The following CREB1 variants were observed in gnomAD, a reference collection of about 807,000 sequenced individuals.
The protein encoded by CREB1 is cyclic AMP-responsive element-binding protein 1.
CREB1 carries 2 observed loss-of-function variants against 42.0 expected under a neutral mutation model. The ratio of observed to expected loss-of-function variants is 0.05; its 90% CI spans 0.02 to 0.15. The LOEUF (loss-of-function observed/expected upper bound fraction) is 0.15, where lower values mean the gene tolerates loss of function less well. Among genes scored for constraint, CREB1 ranks in the 10% least tolerant of loss-of-function variants. CREB1 has a pLI of 1.00. For missense variants in CREB1, 199 were observed against 388.9 expected, an observed-to-expected ratio of 0.51 and a Z score of 4.11; for synonymous variants, 123 against 139.9, an observed-to-expected ratio of 0.88 and a Z score of 0.85.
At chr2:207,545,130 G>T (rs1344407229) in intron 1 of CREB1, among the ~76,000 whole-genome samples, 1 of 152,144 alleles carries the variant, frequency 6.6e-6, no homozygotes, top group Admixed American at 6.6e-5. Flanking sequence ...GGTTTTTGAG[G>T]TATTGCCACA....
intron 7 of CREB1, among the ~76,000 whole-genome samples, chr2:207,586,875 C>T (rs2083935794): frequency 6.6e-6 from 1 of 152,140 alleles, no homozygotes; most frequent in Admixed American, 6.5e-5. Flanking sequence ...ATCAAAAAGA[C>T]AAGAAGTAAC....
chr2:207,566,531 T>C (rs928776698), intron 3 of CREB1, among the ~76,000 whole-genome samples: 1 of 152,190 alleles, frequency 6.6e-6, no homozygotes, highest in African/African-American at 2.4e-5. Flanking sequence ...GGTTGCTGCT[T>C]CTGACAAACC....
At position 207,564,614 on chromosome 2, in the gene CREB1, A is replaced by G. The variant is rs115636499; in HGVS notation, c.262-2849A>G. On this transcript the variant is annotated intron_variant, in intron 3 of 7. Transcript: ENST00000353267. ...CCAAAGGACCATATATAGGTTTAGG[A>G]AACATCGAATATTACCATTGTTTTG... Among the ~76,000 whole-genome samples, 479 of 152,308 alleles carry G rather than the reference A, an allele frequency of 3.1e-3. 3 individuals carry two copies. Among genetic ancestry groups the G allele is most frequent in the African/African-American group, 0.011 (460 of 41,560 alleles).
chr2:207,600,180 G>A lies in CREB1; in HGVS notation c.*3122G>A, dbSNP rs2086787817. 1 of 175,060 alleles carries A rather than the reference G, an allele frequency of 5.7e-6. No individual in the cohort carries two copies. The highest frequency in any genetic ancestry group is 1.2e-5 in the Non-Finnish European group (1 of 82,616). The allele number at this position is 175,060 out of a possible 1,614,324, so 10.8% of individuals were successfully genotyped here. On this transcript the variant is annotated 3_prime_UTR_variant, in exon 8 of 8. Transcript: ENST00000353267. ...TATTGGCAACCATAATATTGTCATA[G>A]GTGCTCTCTTCATTTAGATATTCTT...
At chr2:207,540,669 TAAA>T (rs35714520) in intron 1 of CREB1, among the ~76,000 whole-genome samples, 23,344 of 65,148 alleles carry the variant, frequency 0.36, 3,188 homozygotes, top group East Asian at 0.48. Context: ...GTTTAAAAAG[TAAA>T]AAAAAAAAAA....
At chr2:207,530,922 T>C (rs1256197160) in intron 1 of CREB1, among the ~76,000 whole-genome samples, 1 of 151,262 alleles carries the variant, frequency 6.6e-6, no homozygotes, top group Non-Finnish European at 1.5e-5. Flanking sequence ...AGTTGAGAGA[T>C]GAGAGCTTGT....
intron 1 of CREB1, among the ~76,000 whole-genome samples, chr2:207,542,465 A>G (rs1295122657): frequency 6.6e-6 from 1 of 152,086 alleles, no homozygotes; most frequent in Non-Finnish European, 1.5e-5. Flanking sequence ...GGCCATTTGT[A>G]TATCTTCTTT....
chr2:207,583,106 T>C (rs1303330222), intron 7 of CREB1, among the ~76,000 whole-genome samples: 1 of 152,132 alleles, frequency 6.6e-6, no homozygotes, highest in African/African-American at 2.4e-5. Context: ...ACATAGTATT[T>C]ACATTGTATT....
chr2:207,584,499 G>A (rs1439786024), intron 7 of CREB1, among the ~76,000 whole-genome samples: 1 of 152,150 alleles, frequency 6.6e-6, no homozygotes, highest in Non-Finnish European at 1.5e-5. Flanking sequence ...TGCCTCCTGG[G>A]TTCAAGAGAT....
At chr2:207,579,005 C>T (rs1440440708) in intron 7 of CREB1, among the ~76,000 whole-genome samples, 2 of 152,078 alleles carry the variant, frequency 1.3e-5, no homozygotes, top group Admixed American at 1.3e-4. Context: ...CCAGGCTGGT[C>T]TCGAACTCTT....
chr2:207,536,242 A>G (rs2080865288), intron 1 of CREB1, among the ~76,000 whole-genome samples: 1 of 152,224 alleles, frequency 6.6e-6, no homozygotes, highest in Non-Finnish European at 1.5e-5. Flanking sequence ...ATCTCTTTCC[A>G]GAAAACATCA....
At chr2:207,570,062 AC>A (rs2082300492) in intron 4 of CREB1, 116 bp from the exon 5 acceptor site, 27 of 614,170 alleles carry the variant, frequency 4.4e-5, no homozygotes, top group Non-Finnish European at 5.3e-5. Flanking sequence ...AAAAAAAAAA[AC>A]CTTCTGTCCT....
chr2:207,547,792 G>A (rs1370772176), intron 1 of CREB1, among the ~76,000 whole-genome samples: 1 of 151,912 alleles, frequency 6.6e-6, no homozygotes, highest in Non-Finnish European at 1.5e-5. Context: ...AGTAAACTTT[G>A]CAAATACTTA....
At chr2:207,582,084 G>A in intron 7 of CREB1, 1 of 702,460 alleles carries the variant, frequency 1.4e-6, no homozygotes, top group Non-Finnish European at 2.6e-6. Flanking sequence ...GTGCTGTCCA[G>A]GTGTCTCCAC....
chr2:207,539,847 A>G (rs1210445974), intron 1 of CREB1, among the ~76,000 whole-genome samples: 1 of 152,228 alleles, frequency 6.6e-6, no homozygotes, highest in African/African-American at 2.4e-5. Flanking sequence ...TGGACAAAAA[A>G]ATGAAAACAT....
At chr2:207,567,662 C>A (rs2082190145) in intron 4 of CREB1, 99 bp downstream of exon 4, 1 of 671,678 alleles carries the variant, frequency 1.5e-6, no homozygotes, top group Non-Finnish European at 2.5e-6. Context: ...CACGTCAGTT[C>A]CTTATAGATT....
chr2:207,576,878 T>C (rs186929222), intron 6 of CREB1: 4 of 938,066 alleles, frequency 4.3e-6, no homozygotes, highest in Non-Finnish European at 5.1e-6. Flanking sequence ...TGTGTTTGTT[T>C]TTACAAATGG....
At chr2:207,531,462 A>G (rs1257434531) in intron 1 of CREB1, among the ~76,000 whole-genome samples, 1 of 152,246 alleles carries the variant, frequency 6.6e-6, no homozygotes, top group Non-Finnish European at 1.5e-5. Flanking sequence ...AGGACAGCAG[A>G]AAAGTCATTG....
chr2:207,591,219 AT>A (rs2084972144), intron 7 of CREB1, among the ~76,000 whole-genome samples: 1 of 152,214 alleles, frequency 6.6e-6, no homozygotes, highest in Non-Finnish European at 1.5e-5. Context: ...AGGAGAGTGT[AT>A]TAAGGCATTC....
Sources: allele counts gnomAD v4.1 joint callset (sites outside exome capture counted in the v4.1 genomes callset), GRCh38; gene constraint gnomAD v4.1.1; transcripts MANE v1.5; gene names NCBI Gene and HGNC (gene_info 2026-07-23, HGNC 2026-07-21).